Variants in SP140 observed in about 807,000 individuals in gnomAD.
SP140 encodes SP140 nuclear body protein.
A neutral mutation model predicts 125.0 loss-of-function variants in SP140; 81 were observed. The observed-to-expected ratio is 0.65, with a 90% confidence interval of 0.54 to 0.78. The LOEUF is 0.78. Ranked by LOEUF, SP140 falls within the 30% of genes least tolerant of loss-of-function variation. SP140 has a pLI of 0.00. For missense variants in SP140, 858 were observed against 1,037.0 expected (o/e 0.83, Z 2.37); for synonymous variants, 312 against 354.0 (o/e 0.88, Z 1.33).
Position 230,211,728 on chromosome 2 carries a change from A to G in SP140, c.-322-1926A>G, listed in dbSNP as rs2044502278. ...AGCAACCATTCACTCTCAATTAGCC[A>G]CTTGTTCTTCCATTGCTGTTAGCTT... On this transcript the variant is annotated intron_variant, in intron 1 of 4. Coordinates refer to the SP140 transcript ENST00000456542. The surrounding 1 kb of genome is among the most constrained non-coding windows in gnomAD (Gnocchi z 4.2). Among the ~76,000 whole-genome samples the G allele has an allele frequency of 6.6e-6, 1 of 152,188 alleles. No individual in the cohort carries two copies. The highest frequency in any genetic ancestry group is 2.4e-5 in the African/African-American group (1 of 41,448).
chr2:230,210,713 T>C (rs73102206), intron 1 of SP140, among the ~76,000 whole-genome samples: 167 of 152,352 alleles, frequency 1.1e-3, no homozygotes, highest in African/African-American at 3.8e-3. Flanking sequence ...TAAAGGCTCA[T>C]CTCACATGAA....
chr2:230,246,368 T>C lies in SP140; in HGVS notation c.742+428T>C, dbSNP rs144061201. Among the ~76,000 whole-genome samples the C allele has an allele frequency of 8.5e-4, 130 of 152,318 alleles. 1 individual carries two copies. Among genetic ancestry groups the C allele is most frequent in the African/African-American group, 2.9e-3 (122 of 41,560 alleles). ...TACCTCAATAGTTGTGGGATCCAAA[T>C]ATTACCACGTTGGGTAACATTTGGG... On this transcript the variant is annotated intron_variant, in intron 7 of 26. Transcript: ENST00000392045.
At chr2:230,218,517 AAAGG>A (rs1264800504) in intron 3 of SP140, among the ~76,000 whole-genome samples, 2 of 152,226 alleles carry the variant, frequency 1.3e-5, no homozygotes, top group African/African-American at 4.8e-5. Context: ...AAAGTCAGAG[AAAGG>A]CAGAGTAAAC....
chr2:230,225,397 G>A (rs1197325416), upstream of SP140: 1 of 268,696 alleles, frequency 3.7e-6, no homozygotes, highest in African/African-American at 2.3e-5. Context: ...TCCAGCCCAG[G>A]CTCACTAAGG....
At chr2:230,231,603 C>T (rs527553529) in intron 1 of SP140, among the ~76,000 whole-genome samples, 8 of 150,346 alleles carry the variant, frequency 5.3e-5, no homozygotes, top group East Asian at 2.0e-4. Flanking sequence ...GGAATGGTAA[C>T]GTGTCAGAGG....
chr2:230,248,758 A>T (rs999176529), intron 8 of SP140, 127 bp from the exon 9 acceptor site: 2 of 692,922 alleles, frequency 2.9e-6, no homozygotes, highest in Admixed American at 2.5e-5. Flanking sequence ...AGCTGCAACA[A>T]GGTGGAGAAA....
At chr2:230,304,745 T>C (rs1559368071) in intron 22 of SP140, among the ~76,000 whole-genome samples, 1 of 152,172 alleles carries the variant, frequency 6.6e-6, no homozygotes, top group Non-Finnish European at 1.5e-5. Flanking sequence ...TCTCACCTTA[T>C]ACAAAAATCA....
intron 3 of SP140, chr2:230,238,758 T>C: frequency 1.4e-5 from 21 of 1,546,790 alleles, no homozygotes; most frequent in Middle Eastern, 2.0e-4. Context: ...TTCTTTGTAT[T>C]AGAAAATTTA....
intron 7 of SP140, among the ~76,000 whole-genome samples, chr2:230,246,622 A>G (rs1305664581): frequency 6.6e-6 from 1 of 152,238 alleles, no homozygotes; most frequent in Non-Finnish European, 1.5e-5. Flanking sequence ...ACTATGGCAG[A>G]AAAATAAGAC....
intron 4 of SP140, among the ~76,000 whole-genome samples, chr2:230,242,812 C>A (rs1206513758): frequency 6.6e-6 from 1 of 152,106 alleles, no homozygotes. Flanking sequence ...CTGGCCTGTC[C>A]ATCTTTGCAT....
At chr2:230,304,179 AG>A (rs2058552302) in intron 22 of SP140, among the ~76,000 whole-genome samples, 1 of 152,228 alleles carries the variant, frequency 6.6e-6, no homozygotes, top group Non-Finnish European at 1.5e-5. Flanking sequence ...TAAAATACTT[AG>A]GAATGTACCT....
At chr2:230,302,125 C>T (rs34304229) in intron 22 of SP140, among the ~76,000 whole-genome samples, 81,878 of 151,640 alleles carry the variant, frequency 0.54, 23,152 homozygotes, top group South Asian at 0.69. Context: ...CCCAAATTTA[C>T]AAAACAATTA....
upstream of SP140, among the ~76,000 whole-genome samples, chr2:230,221,018 C>CA (rs2045770466): frequency 6.6e-6 from 1 of 151,856 alleles, no homozygotes; most frequent in Non-Finnish European, 1.5e-5. Flanking sequence ...CTCGGTGGCT[C>CA]ACGCCTGTAA....
chr2:230,220,177 GC>G, intron 3 of SP140: 1 of 648,478 alleles, frequency 1.5e-6, no homozygotes. Flanking sequence ...GTTGGGATCA[GC>G]CCAGAGAGGG....
intron 15 of SP140, among the ~76,000 whole-genome samples, chr2:230,272,752 C>T (rs2054128578): frequency 6.6e-6 from 1 of 152,026 alleles, no homozygotes; most frequent in African/African-American, 2.4e-5. Flanking sequence ...AGACACATAG[C>T]CCAGTGGAAC....
intron 15 of SP140, 40 bp from the exon 16 acceptor site, chr2:230,284,306 A>C: frequency 6.5e-7 from 1 of 1,545,598 alleles, no homozygotes; most frequent in Non-Finnish European, 8.8e-7. Flanking sequence ...AATTATATTT[A>C]TACCTCTGCA....
upstream of SP140, chr2:230,202,769 CT>C: frequency 1.2e-6 from 2 of 1,602,492 alleles, no homozygotes; most frequent in South Asian, 1.1e-5. Context: ...AAATTGGGGT[CT>C]TCAGTGAGCC....
At chr2:230,267,723 A>G (rs1379436058) in intron 12 of SP140, among the ~76,000 whole-genome samples, 1 of 152,238 alleles carries the variant, frequency 6.6e-6, no homozygotes, top group East Asian at 1.9e-4. Flanking sequence ...CAAAGAGGCC[A>G]CTATATTTCA....
At chr2:230,291,412 C>T (rs1410630665) in intron 19 of SP140, among the ~76,000 whole-genome samples, 1 of 152,146 alleles carries the variant, frequency 6.6e-6, no homozygotes, top group African/African-American at 2.4e-5. Flanking sequence ...GAAAGAAAAG[C>T]CCATGTCAAT....
Sources: allele counts gnomAD v4.1 joint callset (sites outside exome capture counted in the v4.1 genomes callset), GRCh38; gene constraint gnomAD v4.1.1; non-coding constraint Gnocchi (gnomAD v3.1); transcripts MANE v1.5; gene names NCBI Gene and HGNC (gene_info 2026-07-23, HGNC 2026-07-21).